Variants in LRRIQ1 observed in about 807,000 individuals in gnomAD.
The protein encoded by LRRIQ1 is leucine-rich repeat- and IQ domain-containing protein 1.
A neutral mutation model predicts 211.9 loss-of-function variants in LRRIQ1; 210 were observed. The observed-to-expected ratio is 0.99, with a 90% CI of 0.89 to 1.11. The LOEUF is 1.11. LRRIQ1 is among the 50% of genes most tolerant of loss of function. The pLI, the probability that LRRIQ1 is intolerant of heterozygous loss-of-function variation, is 0.00. For missense variants in LRRIQ1, 2,136 were observed against 1,939.5 expected, an observed-to-expected ratio of 1.10 and a Z score of -1.90; for synonymous variants, 699 against 650.1, an observed-to-expected ratio of 1.08 and a Z score of -1.14.
rs201694390 is a variant in LRRIQ1, at chr12:85,055,721, C to G, written c.928C>G (p.Gln310Glu). ...AAAATATGGCCCAATTATTAAAGAG[C>G]AAATTGAAAGTAAGAAAAGGAAAGC... Reference protein sequence around the residue: ...YQKYGPIIKEQIESKKRKAQE... With the variant: ...YQKYGPIIKEEIESKKRKAQE... The change falls in exon 8 of 27, where the codon CAA becomes GAA. Residue 310 changes from glutamine to glutamate, a missense_variant. By Grantham distance (29) the Gln-to-Glu change is conservative. Transcript: ENST00000393217. The G allele has an allele frequency of 1.9e-4, 298 of 1,603,996 alleles. 2 individuals carry two copies. The highest frequency in any genetic ancestry group is 2.3e-4 in the Non-Finnish European group (274 of 1,176,622).
chr12:85,199,744 A>G (rs1893198683), intron 24 of LRRIQ1, among the ~76,000 whole-genome samples: 2 of 152,094 alleles, frequency 1.3e-5, no homozygotes, highest in African/African-American at 4.8e-5. Flanking sequence ...TTATAAAACC[A>G]TCAGATCTTG....
chr12:85,177,247 C>T (rs187594891), intron 24 of LRRIQ1, among the ~76,000 whole-genome samples: 12 of 152,004 alleles, frequency 7.9e-5, no homozygotes, highest in Admixed American at 2.6e-4. Context: ...TTTGGCATTG[C>T]GGAAAAAGAT....
At chr12:85,041,722 A>G (rs976758558) in intron 3 of LRRIQ1, among the ~76,000 whole-genome samples, 1 of 151,856 alleles carries the variant, frequency 6.6e-6, no homozygotes, top group East Asian at 1.9e-4. Context: ...TGAGTAAGCA[A>G]TGACAGTATC....
chr12:85,097,501 A>G (rs1885989735), intron 11 of LRRIQ1, among the ~76,000 whole-genome samples: 1 of 151,352 alleles, frequency 6.6e-6, no homozygotes, highest in Non-Finnish European at 1.5e-5. Flanking sequence ...GAGTGAGAAC[A>G]TGCGGTGTTT....
intron 26 of LRRIQ1, among the ~76,000 whole-genome samples, chr12:85,240,981 T>C (rs1895432548): frequency 6.6e-6 from 1 of 152,110 alleles, no homozygotes; most frequent in Non-Finnish European, 1.5e-5. Flanking sequence ...TCTATACATA[T>C]ATGTATGCAT....
intron 24 of LRRIQ1, among the ~76,000 whole-genome samples, chr12:85,168,166 G>A (rs1284885169): frequency 6.6e-6 from 1 of 152,132 alleles, no homozygotes. Flanking sequence ...AGCAGGTCAT[G>A]GTTTTTTATC....
chr12:85,047,486 T>G lies in LRRIQ1; in HGVS notation c.678+16T>G, dbSNP rs779434295. Reference sequence around the variant, plus strand: ...CATTCAGAAGGTATTTTGCTTTTGTTTTTCATGTATTTTTAAAATCAGTAG... The same window carrying G: ...CATTCAGAAGGTATTTTGCTTTTGTGTTTCATGTATTTTTAAAATCAGTAG... On this transcript the variant is annotated intron_variant, in intron 6 of 26. Coordinates refer to ENST00000393217, the MANE Select transcript of LRRIQ1 (RefSeq NM_001079910.2). 6.3e-7 allele frequency: 1 copy of G among 1,592,672 alleles called. No individual in the cohort carries two copies. The highest frequency in any genetic ancestry group is 1.7e-5 in the Admixed American group (1 of 58,364).
chr12:85,253,461 A>G (rs1238447139), intron 1 of LRRIQ1, among the ~76,000 whole-genome samples: 1 of 152,062 alleles, frequency 6.6e-6, no homozygotes, highest in Non-Finnish European at 1.5e-5. Flanking sequence ...AGCACCTGTT[A>G]TTTAGAACCA....
chr12:85,182,002 G>T (rs1320994946), intron 24 of LRRIQ1, among the ~76,000 whole-genome samples: 1 of 151,664 alleles, frequency 6.6e-6, no homozygotes. Context: ...CCTTTCTATT[G>T]TTATATGTGT....
chr12:85,137,039 T>C (rs768887278), intron 18 of LRRIQ1, among the ~76,000 whole-genome samples: 2 of 151,652 alleles, frequency 1.3e-5, no homozygotes, highest in African/African-American at 2.4e-5. Flanking sequence ...TTTTATGCCT[T>C]TATAGGTAAC....
intron 10 of LRRIQ1, among the ~76,000 whole-genome samples, chr12:85,069,998 A>C (rs893806094): frequency 1.3e-5 from 2 of 151,938 alleles, no homozygotes; most frequent in Non-Finnish European, 2.9e-5. Flanking sequence ...GGTGTTTTAG[A>C]CATGAAGTCC....
chr12:85,247,305 G>T (rs77196916), downstream of LRRIQ1, among the ~76,000 whole-genome samples: 1 of 151,544 alleles, frequency 6.6e-6, no homozygotes, highest in Non-Finnish European at 1.5e-5. Context: ...TTCTCTCTCT[G>T]TCTCAAAATT....
At position 85,244,916 on chromosome 12, in the gene LRRIQ1, T is replaced by A; in HGVS notation, c.5144T>A (p.Leu1715Ter). The A allele has an allele frequency of 6.2e-7, 1 of 1,610,558 alleles. No homozygotes were observed. The highest frequency in any genetic ancestry group is 1.7e-4 in the Middle Eastern group (1 of 6,040). The change falls in exon 27 of 27, where the codon TTG becomes TAG. Residue 1715 changes from leucine (L) to a stop codon, truncating the protein, a stop_gained. Coordinates refer to ENST00000393217, the MANE Select transcript of LRRIQ1 (RefSeq NM_001079910.2). LOFTEE classifies it high-confidence loss of function. ...CACTCAGCAGGATCTTCAAGTAAGTTGTGGTTTCCTTCAAAATTAATTTAG... is the reference window on the plus strand; with the variant it reads ...CACTCAGCAGGATCTTCAAGTAAGTAGTGGTTTCCTTCAAAATTAATTTAG... Reference protein sequence around the residue: ...HRHSAGSSSKLWFPSKLI With the variant: ...HRHSAGSSSK
intron 19 of LRRIQ1, among the ~76,000 whole-genome samples, chr12:85,139,058 T>C (rs892018300): frequency 6.6e-6 from 1 of 151,462 alleles, no homozygotes; most frequent in Non-Finnish European, 1.5e-5. Flanking sequence ...TTTCTAGGAC[T>C]GTAATAAACT....
intron 19 of LRRIQ1, among the ~76,000 whole-genome samples, chr12:85,150,901 G>T (rs571496953): frequency 5.4e-4 from 82 of 151,668 alleles, no homozygotes; most frequent in African/African-American, 1.3e-3. Flanking sequence ...TGTATACATT[G>T]TGGAAAGGCT....
At chr12:85,241,368 T>A (rs2137256276) in intron 26 of LRRIQ1, among the ~76,000 whole-genome samples, 1 of 152,078 alleles carries the variant, frequency 6.6e-6, no homozygotes, top group African/African-American at 2.4e-5. Flanking sequence ...AGAAAAGGAG[T>A]TTATGAAAAG....
chr12:85,141,203 G>A (rs12316601), intron 19 of LRRIQ1, among the ~76,000 whole-genome samples: 8,653 of 151,262 alleles, frequency 0.057, 835 homozygotes, highest in African/African-American at 0.2. Flanking sequence ...AATGTTTCAT[G>A]TGAACATAAA....
rs142926122 is a variant in LRRIQ1 at position 85,211,130 on chromosome 12, A to G, written c.4823-18387A>G. Among the ~76,000 whole-genome samples the G allele has an allele frequency of 5.2e-3, 797 of 152,318 alleles. 6 individuals are homozygous for G. The highest frequency in any genetic ancestry group is 0.018 in the African/African-American group (756 of 41,568). ...GAGTCTTGCTTCTTTTTCAGCATTC[A>G]TAAAACTATGCCATGCTCACATCAA... On this transcript the variant is annotated intron_variant, in intron 24 of 26. Transcript: ENST00000393217.
chr12:85,077,487 T>C (rs377336595), intron 11 of LRRIQ1, among the ~76,000 whole-genome samples: 1 of 152,212 alleles, frequency 6.6e-6, no homozygotes, highest in Non-Finnish European at 1.5e-5. Context: ...TTTGTGGCTA[T>C]TGTTTGTTTT....
Sources: allele counts gnomAD v4.1 joint callset (sites outside exome capture counted in the v4.1 genomes callset), GRCh38; gene constraint gnomAD v4.1.1; transcripts MANE v1.5; gene names NCBI Gene and HGNC (gene_info 2026-07-23, HGNC 2026-07-21).